Variants in NDUFA10 observed in about 807,000 individuals in gnomAD.
The protein encoded by NDUFA10 is NADH:ubiquinone oxidoreductase subunit A10, also known as NADH dehydrogenase [ubiquinone] 1 alpha subcomplex subunit 10, mitochondrial.
A neutral mutation model predicts 47.8 loss-of-function variants in NDUFA10; 40 were observed. That is an observed-to-expected ratio of 0.84 (90% CI 0.65 to 1.09). NDUFA10 has a LOEUF of 1.09. NDUFA10 is among the 50% of genes least tolerant of loss of function. NDUFA10 has a pLI of 0.00. For synonymous variants in NDUFA10, 183 were observed against 172.2 expected (o/e 1.06, Z -0.49); for missense variants, 413 against 451.1 (o/e 0.92, Z 0.76).
chr2:239,966,913 C>T (rs1282210968), intron 9 of NDUFA10, among the ~76,000 whole-genome samples: 1 of 147,380 alleles, frequency 6.8e-6, no homozygotes, highest in Admixed American at 6.8e-5. Flanking sequence ...GGGTGGCACA[C>T]GGCCAGTGTG....
At chr2:239,965,574 C>A (rs1414258845) in intron 9 of NDUFA10, among the ~76,000 whole-genome samples, 2 of 152,228 alleles carry the variant, frequency 1.3e-5, no homozygotes, top group Admixed American at 1.3e-4. Flanking sequence ...TTTCCCGGAT[C>A]TGCTCGTTCA....
intron 4 of NDUFA10, among the ~76,000 whole-genome samples, chr2:239,897,056 A>G (rs563098798): frequency 6.6e-6 from 1 of 152,358 alleles, no homozygotes; most frequent in East Asian, 1.9e-4. Flanking sequence ...CACTGAATTA[A>G]TTACCTTATT....
chr2:239,932,336 G>C (rs887952427), intron 4 of NDUFA10, among the ~76,000 whole-genome samples: 2 of 152,108 alleles, frequency 1.3e-5, no homozygotes, highest in Non-Finnish European at 2.9e-5. Flanking sequence ...GTGTTTCTCT[G>C]CATTCTGCTT....
At chr2:239,892,515 G>C (rs1252603096) in exon 6 of NDUFA10, 1 of 152,194 alleles carries the variant, frequency 6.6e-6, no homozygotes, top group Admixed American at 6.5e-5. Context: ...GAGGACTTTT[G>C]GTTGCACATA....
chr2:239,966,266 T>C (rs1231280730), intron 9 of NDUFA10, among the ~76,000 whole-genome samples: 1 of 152,168 alleles, frequency 6.6e-6, no homozygotes, highest in Non-Finnish European at 1.5e-5. Flanking sequence ...GGGCTGCTGG[T>C]CACAGGGGGC....
At chr2:239,940,519 T>G (rs7608449) in intron 4 of NDUFA10, among the ~76,000 whole-genome samples, 1 of 152,336 alleles carries the variant, frequency 6.6e-6, no homozygotes, top group East Asian at 1.9e-4. Context: ...ATGCTATTCT[T>G]TGATAAATTT....
rs372080293 is a variant in NDUFA10 at position 239,967,754 on chromosome 2, C to T, written c.1000-6568G>A. The stretch of plus-strand genomic sequence containing the variant: ...CGTGCTGTTCTTTGATCCAAAGTGA[C>T]GCCACTGAGTTTGTGTGATTCAACG... On this transcript the variant is annotated intron_variant, in intron 9 of 9. Transcript: ENST00000252711. 8.5e-4 allele frequency among the ~76,000 whole-genome samples: 129 copies of T among 152,250 alleles called. 2 individuals are homozygous for T. In the South Asian group the frequency reaches 0.014, roughly 17 times the overall value.
At chr2:239,969,300 C>G (rs1308117995) in intron 9 of NDUFA10, among the ~76,000 whole-genome samples, 2 of 152,166 alleles carry the variant, frequency 1.3e-5, no homozygotes, top group Non-Finnish European at 2.9e-5. Context: ...AAGCACCAAA[C>G]AGAATTTCTA....
chr2:239,927,020 A>C (rs527693211), intron 4 of NDUFA10, among the ~76,000 whole-genome samples: 1 of 152,244 alleles, frequency 6.6e-6, no homozygotes, highest in African/African-American at 2.4e-5. Context: ...CAGCATGGGA[A>C]AGATCCACCC....
chr2:239,908,018 C>T (rs1291779771), intron 4 of NDUFA10, among the ~76,000 whole-genome samples: 4 of 152,118 alleles, frequency 2.6e-5, no homozygotes, highest in Non-Finnish European at 4.4e-5. Flanking sequence ...CAATGATAGA[C>T]TGGATTAAGA....
At chr2:239,968,638 G>T (rs904020200) in intron 9 of NDUFA10, among the ~76,000 whole-genome samples, 1 of 152,184 alleles carries the variant, frequency 6.6e-6, no homozygotes, top group African/African-American at 2.4e-5. Context: ...GCACTAAAGG[G>T]GTGGGGCCTA....
intron 5 of NDUFA10, chr2:240,014,302 A>G (rs767094100): frequency 1.4e-5 from 4 of 282,458 alleles, no homozygotes; most frequent in Non-Finnish European, 2.1e-5. Context: ...TAAGTAAGAA[A>G]AAGGGGGAGA....
chr2:240,001,129 A>C (rs952640146), intron 8 of NDUFA10, among the ~76,000 whole-genome samples: 2 of 152,210 alleles, frequency 1.3e-5, no homozygotes, highest in Non-Finnish European at 2.9e-5. Context: ...GCACAGAAAA[A>C]AATATGAATA....
At chr2:239,950,029 C>T (rs933087357) in intron 4 of NDUFA10, among the ~76,000 whole-genome samples, 1 of 152,142 alleles carries the variant, frequency 6.6e-6, no homozygotes, top group Non-Finnish European at 1.5e-5. Context: ...TATTTTCTTA[C>T]GTACATAATG....
intron 5 of NDUFA10, among the ~76,000 whole-genome samples, chr2:239,893,176 G>T (rs990260404): frequency 6.6e-6 from 1 of 152,244 alleles, no homozygotes; most frequent in African/African-American, 2.4e-5. Context: ...GCCAGGGCAG[G>T]GGGTGGGCTG....
chr2:239,986,393 C>T (rs1244009170), intron 9 of NDUFA10, among the ~76,000 whole-genome samples: 4 of 152,106 alleles, frequency 2.6e-5, no homozygotes, highest in East Asian at 3.9e-4. Flanking sequence ...CGTGGGATTC[C>T]GGCAGGTAAA....
At chr2:239,985,686 G>A (rs1157191617) in intron 9 of NDUFA10, among the ~76,000 whole-genome samples, 1 of 152,162 alleles carries the variant, frequency 6.6e-6, no homozygotes, top group Non-Finnish European at 1.5e-5. Context: ...AAGGCAGGCA[G>A]ATCACCTGAG....
chr2:239,950,675 A>G lies in NDUFA10; in HGVS notation c.294+39399T>C, dbSNP rs112919833. On this transcript the variant is annotated intron_variant, in intron 4 of 5. Transcript: ENST00000419408. ...TTCTTCCAACACTGGTACGGATAGG[A>G]GCTTGGGGCGGTGTAAGGGCCTGTG... is the stretch of plus-strand genomic sequence containing the variant. Among the ~76,000 whole-genome samples, 1,312 of 152,282 alleles carry G rather than the reference A, an allele frequency of 8.6e-3. 19 individuals carry two copies. The highest frequency in any genetic ancestry group is 0.03 in the African/African-American group (1,253 of 41,578).
At chr2:239,927,139 A>G (rs1412912805) in intron 4 of NDUFA10, among the ~76,000 whole-genome samples, 1 of 152,214 alleles carries the variant, frequency 6.6e-6, no homozygotes, top group African/African-American at 2.4e-5. Flanking sequence ...CCTATCAGAC[A>G]TGGATGATCC....
Sources: gnomAD v4.1 joint callset for allele counts (sites outside exome capture counted in the v4.1 genomes callset) on GRCh38, gnomAD v4.1.1 for gene constraint, MANE v1.5 for transcripts, NCBI Gene and HGNC (gene_info 2026-07-23, HGNC 2026-07-21) for gene names.